Variants in MTM1 observed in about 807,000 individuals in gnomAD.
The protein encoded by MTM1 is myotubularin 1.
A neutral mutation model predicts 52.1 loss-of-function variants in MTM1; 9 were observed. The ratio of observed to expected loss-of-function variants is 0.17; its 90% confidence interval spans 0.10 to 0.30. The LOEUF is 0.30. Ranked by LOEUF, MTM1 falls within the 10% of genes least tolerant of loss-of-function variation. MTM1 has a pLI of 1.00. For missense variants in MTM1, 277 were observed against 470.7 expected, an observed-to-expected ratio of 0.59 and a Z score of 3.81; for synonymous variants, 136 against 163.8, an observed-to-expected ratio of 0.83 and a Z score of 1.29.
chrX:150,578,033 G>A (rs1603092695), intron 1 of MTM1, among the ~76,000 whole-genome samples: 3 of 112,144 alleles, frequency 2.7e-5, no homozygotes, highest in Middle Eastern at 9.1e-3. Flanking sequence ...TGGAAAAAGT[G>A]TAGGGATTCT....
rs782366031 is a variant in MTM1 at position 150,614,711 on chromosome X, G to A, written c.342+12G>A. Reference sequence around the variant, plus strand: ...ATATTACTTGTAAAGTAAGAGATTCGATACTTTCTTATGCAAAGAACAAGG... The same window carrying A: ...ATATTACTTGTAAAGTAAGAGATTCAATACTTTCTTATGCAAAGAACAAGG... On this transcript the variant is annotated intron_variant, in intron 5 of 14. Transcript: ENST00000370396. 5.3e-6 allele frequency: 5 copies of A among 943,418 alleles called. No individual in the cohort carries two copies. The highest frequency in any genetic ancestry group is 4.0e-5 in the South Asian group (2 of 50,125). 77.7% of individuals were successfully genotyped at this position (943,418 alleles called of 1,213,427 possible).
At chrX:150,635,689 C>T (rs2039743557) in intron 6 of MTM1, among the ~76,000 whole-genome samples, 1 of 111,686 alleles carries the variant, frequency 9.0e-6, no homozygotes, top group Non-Finnish European at 1.9e-5. Flanking sequence ...TTCTCTTAAT[C>T]TTTAAGAAAA....
intron 4 of MTM1, among the ~76,000 whole-genome samples, chrX:150,611,243 G>A (rs782804116): frequency 8.9e-6 from 1 of 111,963 alleles, no homozygotes; most frequent in East Asian, 2.8e-4. Context: ...CAAATACTAA[G>A]ATATTCTTTG....
intron 6 of MTM1, among the ~76,000 whole-genome samples, chrX:150,635,391 G>A (rs1254914168): frequency 8.9e-6 from 1 of 112,024 alleles, no homozygotes; most frequent in African/African-American, 3.2e-5. Flanking sequence ...ATTGACCCAA[G>A]GTTATATTTA....
intron 1 of MTM1, among the ~76,000 whole-genome samples, chrX:150,572,772 TTG>T (rs782262944): frequency 1.2e-4 from 13 of 112,599 alleles, no homozygotes; most frequent in Non-Finnish European, 2.1e-4. Context: ...GAAGAGATGG[TTG>T]ATAGCTCCCC....
Position 150,636,785 on chromosome X carries a change from G to A in MTM1, c.445-2158G>A, listed in dbSNP as rs111704111. 3.1e-3 allele frequency among the ~76,000 whole-genome samples: 347 copies of A among 112,044 alleles called. 2 individuals are homozygous for A. The highest frequency in any genetic ancestry group is 0.011 in the African/African-American group (324 of 30,831). On this transcript the variant is annotated intron_variant, in intron 6 of 14. Transcript: ENST00000370396. ...ATTCCTGAATGTTTACCTGTGCCAA[G>A]TACTGACCAGCGCAGTATCAGATGT...
At chrX:150,624,194 T>C (rs1164683066) in intron 6 of MTM1, among the ~76,000 whole-genome samples, 1 of 112,235 alleles carries the variant, frequency 8.9e-6, no homozygotes, top group African/African-American at 3.2e-5. Context: ...GTCAATCTGG[T>C]AAGATGCGCA....
chrX:150,643,651 C>T (rs2039883770), intron 8 of MTM1, among the ~76,000 whole-genome samples: 1 of 111,686 alleles, frequency 9.0e-6, no homozygotes, highest in African/African-American at 3.3e-5. Context: ...AACAACTTCC[C>T]ATGTTGCTAA....
At chrX:150,606,663 A>G (rs1191137326) in intron 4 of MTM1, among the ~76,000 whole-genome samples, 1 of 111,040 alleles carries the variant, frequency 9.0e-6, no homozygotes, top group African/African-American at 3.3e-5. Flanking sequence ...TTATTTTCCA[A>G]AGTGAATCCC....
At chrX:150,564,485 C>T (rs1384271220), upstream of MTM1, among the ~76,000 whole-genome samples, 2 of 111,442 alleles carry the variant, frequency 1.8e-5, no homozygotes, top group Middle Eastern at 4.6e-3. Flanking sequence ...CGGGTTCAAG[C>T]GATTCTCCTG....
rs189642375 is a variant in MTM1, at chrX:150,649,584, A to G, written c.868-132A>G. ...AGACTTGTTGTTGGCTAGGAAGTCA[A>G]GTCACATCAATTATTCATTTAAATT... On this transcript the variant is annotated intron_variant, in intron 9 of 14. Coordinates refer to ENST00000370396, the MANE Select transcript of MTM1 (RefSeq NM_000252.3). 7 of 561,594 alleles carry G rather than the reference A, an allele frequency of 1.2e-5. No individual in the cohort carries two copies. The Admixed American group carries it at 1.8e-4, about 15-fold the overall frequency. 46.3% of individuals were successfully genotyped at this position (561,594 alleles called of 1,213,427 possible).
chrX:150,643,385 C>A (rs2039879593), intron 8 of MTM1, among the ~76,000 whole-genome samples: 1 of 111,372 alleles, frequency 9.0e-6, no homozygotes, highest in Non-Finnish European at 1.9e-5. Flanking sequence ...TTTTATGAGT[C>A]TTTAATGTAT....
Position 150,671,409 on chromosome X carries a change from A to G in MTM1, c.1645-19A>G, listed in dbSNP as rs782106167. The G allele has an allele frequency of 8.3e-7, 1 of 1,211,048 alleles. No individual in the cohort carries two copies. The highest frequency in any genetic ancestry group is 1.1e-6 in the Non-Finnish European group (1 of 895,035). ...CGTGCGTGGCATAAAGTGTAACTCA[A>G]GTCTCTGGTTCTCTCCAGCAGCCGA... On this transcript the variant is annotated intron_variant, in intron 14 of 14. Transcript: ENST00000370396.
Position 150,642,547 on chromosome X carries a change from G to A in MTM1, c.678+1129G>A, listed in dbSNP as rs782766005. 7.2e-5 allele frequency among the ~76,000 whole-genome samples: 8 copies of A among 111,823 alleles called. No individual in the cohort carries two copies. In the Admixed American group the frequency reaches 7.6e-4, roughly 11 times the overall value. On this transcript the variant is annotated intron_variant, in intron 8 of 14. Coordinates refer to ENST00000370396, the MANE Select transcript of MTM1 (RefSeq NM_000252.3). ...GAAAGTATGTTCTTTAGCTCATGTTGTTAGAACATGATGCTAATGAAGCTA... is the reference window on the plus strand; with the variant it reads ...GAAAGTATGTTCTTTAGCTCATGTTATTAGAACATGATGCTAATGAAGCTA...
intron 6 of MTM1, among the ~76,000 whole-genome samples, chrX:150,626,126 G>A (rs1042541724): frequency 5.4e-5 from 6 of 112,128 alleles, no homozygotes; most frequent in African/African-American, 1.9e-4. Flanking sequence ...AAGCCCTGCC[G>A]TGTGGCTTAA....
chrX:150,597,159 T>C (rs1301623675), intron 3 of MTM1, among the ~76,000 whole-genome samples: 1 of 112,322 alleles, frequency 8.9e-6, no homozygotes, highest in African/African-American at 3.2e-5. Flanking sequence ...GCTAATGTTC[T>C]GGGCAAATTT....
intron 1 of MTM1, among the ~76,000 whole-genome samples, chrX:150,575,861 G>C (rs2038462872): frequency 9.0e-6 from 1 of 110,855 alleles, no homozygotes. Context: ...TGTTTTTGTA[G>C]AGAGGGCTTC....
chrX:150,596,364 C>T (rs1451000089), intron 2 of MTM1, 134 bp from the exon 3 acceptor site: 4 of 508,615 alleles, frequency 7.9e-6, no homozygotes, highest in East Asian at 3.8e-5. Context: ...ATTTTTGTGC[C>T]AGTTTTCCCA....
intron 6 of MTM1, among the ~76,000 whole-genome samples, chrX:150,625,564 G>A (rs909017737): frequency 2.7e-5 from 3 of 111,825 alleles, no homozygotes; most frequent in Admixed American, 9.4e-5. Flanking sequence ...GGTGAGATAC[G>A]GGGGGCAGTG....
Sources: gnomAD v4.1 joint callset for allele counts (sites outside exome capture counted in the v4.1 genomes callset) on GRCh38, gnomAD v4.1.1 for gene constraint, MANE v1.5 for transcripts, NCBI Gene and HGNC (gene_info 2026-07-23, HGNC 2026-07-21) for gene names.